The following USP37 variants were observed in gnomAD, a reference collection of about 807,000 sequenced individuals.
USP37 encodes ubiquitin carboxyl-terminal hydrolase 37.
In USP37, 27 loss-of-function variants were observed where a neutral mutation model predicts 124.0. The observed-to-expected ratio is 0.22, with a 90% CI of 0.16 to 0.30. The LOEUF is 0.30. Among genes scored for constraint, USP37 ranks in the 10% least tolerant of loss-of-function variants. The pLI, the probability that USP37 is intolerant of heterozygous loss-of-function variation, is 1.00. For missense variants in USP37, 889 were observed against 1,140.4 expected, an observed-to-expected ratio of 0.78 and a Z score of 3.17; for synonymous variants, 365 against 388.0, an observed-to-expected ratio of 0.94 and a Z score of 0.70.
chr2:218,529,946 C>T lies in USP37; in HGVS notation c.863+10G>A, dbSNP rs1376278434. 1 of 1,586,474 alleles carries T rather than the reference C, an allele frequency of 6.3e-7. No individual in the cohort carries two copies. ...CTAAGTTTTTCACAAGTAATATAAC[C>T]AATGCATACCTGTCTAAGTTAGTGC... On this transcript the variant is annotated intron_variant, in intron 10 of 25. Transcript: ENST00000258399.
chr2:218,554,363 T>C (rs892473096), intron 4 of USP37, among the ~76,000 whole-genome samples: 3 of 152,300 alleles, frequency 2.0e-5, no homozygotes, highest in Middle Eastern at 6.8e-3. Context: ...AATCCCTTAT[T>C]TTCAGATATA....
intron 23 of USP37, among the ~76,000 whole-genome samples, chr2:218,459,080 T>TA (rs5838700): frequency 0.27 from 39,942 of 147,250 alleles, 6,719 homozygotes; most frequent in Non-Finnish European, 0.39. Context: ...GAAAAAGGGT[T>TA]AAAAAAAAAA....
chr2:218,457,181 A>G lies in USP37; in HGVS notation c.2644-20T>C. 6.2e-7 allele frequency: 1 copy of G among 1,609,540 alleles called. No homozygotes were observed. ...TCCTGTCTGGAAAACAGAAGTGGGTATAACTTTTAAGTCTTCATTTGAATA... is the reference window on the plus strand; with the variant it reads ...TCCTGTCTGGAAAACAGAAGTGGGTGTAACTTTTAAGTCTTCATTTGAATA... On this transcript the variant is annotated intron_variant, in intron 23 of 25. Coordinates refer to ENST00000258399, the MANE Select transcript of USP37 (RefSeq NM_020935.3).
At chr2:218,545,146 A>G (rs1692249775) in intron 8 of USP37, among the ~76,000 whole-genome samples, 1 of 152,208 alleles carries the variant, frequency 6.6e-6, no homozygotes, top group East Asian at 1.9e-4. Flanking sequence ...AAGGCAGACT[A>G]TTAGTTGTAT....
rs199820859 is a variant in USP37, at chr2:218,529,905, G to GAA, written c.863+49_863+50dup. ...AACCTATCCAATCATTCAATATTCT[G>GAA]AAAAAAAAAGAACTCCTAAGTTTTT... On this transcript the variant is annotated intron_variant, in intron 10 of 25. Transcript: ENST00000258399. The GAA allele has an allele frequency of 9.4e-5, 129 of 1,377,942 alleles. No individual in the cohort carries two copies. In the East Asian group the frequency reaches 1.9e-3, roughly 20 times the overall value. 85.4% of individuals were successfully genotyped at this position (1,377,942 alleles called of 1,614,324 possible).
At position 218,492,661 on chromosome 2, in the gene USP37, C is replaced by T. The variant is rs1574878364; in HGVS notation, c.1472+3099G>A. On this transcript the variant is annotated intron_variant, in intron 14 of 25. Coordinates refer to ENST00000258399, the MANE Select transcript of USP37 (RefSeq NM_020935.3). ...AAGAGGTCACATTCTGGATGTATTT[C>T]CAAGGTAGAGCTGAAAGGACTTGCA... Among the ~76,000 whole-genome samples the T allele has an allele frequency of 2.6e-5, 4 of 152,024 alleles. No homozygotes were observed. The East Asian group carries it at 7.7e-4, about 29-fold the overall frequency.
chr2:218,531,993 T>A (rs569968847), intron 9 of USP37, among the ~76,000 whole-genome samples: 11 of 152,336 alleles, frequency 7.2e-5, no homozygotes, highest in African/African-American at 2.4e-4. Flanking sequence ...TTGTTGAAGT[T>A]ACAACATAGG....
chr2:218,514,924 G>C (rs940991890), intron 10 of USP37, among the ~76,000 whole-genome samples: 1 of 151,746 alleles, frequency 6.6e-6, no homozygotes, highest in Non-Finnish European at 1.5e-5. Context: ...TTATCATTTC[G>C]TAACTATAAT....
rs1689556464 is a variant in USP37, at chr2:218,453,667, G to A, written c.*1263C>T. 6.6e-6 allele frequency: 1 copy of A among 152,174 alleles called. No individual in the cohort carries two copies. The highest frequency in any genetic ancestry group is 6.6e-5 in the Admixed American group (1 of 15,266). The allele number at this position is 152,174 out of a possible 1,614,324, so 9.4% of individuals were successfully genotyped here. ...CTAAGTGACTAGCATAGCACTTAAT[G>A]TTGCCGCTCTACTTTGCCTCAACTC... On this transcript the variant is annotated 3_prime_UTR_variant, in exon 26 of 26. Transcript: ENST00000258399.
intron 10 of USP37, among the ~76,000 whole-genome samples, chr2:218,515,328 C>T (rs559713213): frequency 2.6e-5 from 4 of 151,964 alleles, no homozygotes; most frequent in South Asian, 2.1e-4. Context: ...AAAACAGCAT[C>T]GCACTGGTAC....
At position 218,550,059 on chromosome 2, in the gene USP37, C is replaced by A. The variant is rs115251816; in HGVS notation, c.329-150G>T. ...AAATCAAAGTGCCTATCAACCAATT[C>A]TTTCTGACAGAATATACATCTTATA... On this transcript the variant is annotated intron_variant, in intron 5 of 25. Transcript: ENST00000258399. 2,407 of 535,140 alleles carry A rather than the reference C, an allele frequency of 4.5e-3. 58 individuals carry two copies. The highest frequency in any genetic ancestry group is 0.043 in the African/African-American group (2,213 of 51,182). 33.1% of individuals were successfully genotyped at this position (535,140 alleles called of 1,614,324 possible). A position where few individuals can be genotyped will look rare whatever the true frequency, so the allele number is the denominator to read the frequency against.
intron 7 of USP37, among the ~76,000 whole-genome samples, chr2:218,546,607 G>A (rs1041319943): frequency 6.6e-6 from 1 of 152,126 alleles, no homozygotes; most frequent in Non-Finnish European, 1.5e-5. Context: ...TTTTAGTAGA[G>A]AAGGGTTTTC....
intron 23 of USP37, among the ~76,000 whole-genome samples, 156 bp from the exon 24 acceptor site, chr2:218,457,317 A>C (rs1223653773): frequency 6.6e-6 from 1 of 152,264 alleles, no homozygotes; most frequent in Non-Finnish European, 1.5e-5. Flanking sequence ...TGACCCAAGA[A>C]TTCCACCCTC....
chr2:218,554,509 G>A (rs1189322927), intron 4 of USP37, among the ~76,000 whole-genome samples: 2 of 152,164 alleles, frequency 1.3e-5, no homozygotes, highest in Non-Finnish European at 2.9e-5. Flanking sequence ...CACTTTGGGA[G>A]GCTGAGGCAG....
intron 20 of USP37, among the ~76,000 whole-genome samples, chr2:218,469,235 T>G (rs544217535): frequency 3.9e-5 from 6 of 152,338 alleles, no homozygotes; most frequent in Admixed American, 1.3e-4. Context: ...GAGATGTCAA[T>G]AATTTCTTCC....
At chr2:218,472,373 T>A (rs1261719441) in intron 20 of USP37, among the ~76,000 whole-genome samples, 1 of 152,102 alleles carries the variant, frequency 6.6e-6, no homozygotes, top group Non-Finnish European at 1.5e-5. Context: ...ATACACACAC[T>A]CACACTTTTC....
At chr2:218,512,207 C>G (rs922061849) in intron 10 of USP37, among the ~76,000 whole-genome samples, 1 of 152,022 alleles carries the variant, frequency 6.6e-6, no homozygotes, top group Non-Finnish European at 1.5e-5. Flanking sequence ...GACACTGTCT[C>G]TATTATTTTA....
chr2:218,563,779 C>A (rs1178893675), intron 1 of USP37, among the ~76,000 whole-genome samples: 1 of 152,178 alleles, frequency 6.6e-6, no homozygotes, highest in Non-Finnish European at 1.5e-5. Context: ...AGAGGCCAGG[C>A]ACGGTGGCTC....
intron 10 of USP37, among the ~76,000 whole-genome samples, chr2:218,510,745 T>C (rs977319446): frequency 1.1e-4 from 17 of 152,162 alleles, no homozygotes; most frequent in Non-Finnish European, 2.4e-4. Flanking sequence ...GTAAGCCCAG[T>C]ACTTTGGGAG....
Sources: gnomAD v4.1 joint callset for allele counts (sites outside exome capture counted in the v4.1 genomes callset) on GRCh38, gnomAD v4.1.1 for gene constraint, MANE v1.5 for transcripts, NCBI Gene and HGNC (gene_info 2026-07-23, HGNC 2026-07-21) for gene names.